PTPRG: variants seen among roughly 807,000 people sequenced by gnomAD.
The protein encoded by PTPRG is receptor-type tyrosine-protein phosphatase gamma.
A neutral mutation model predicts 165.3 loss-of-function variants in PTPRG; 102 were observed. The observed-to-expected ratio is 0.62, with a 90% confidence interval of 0.53 to 0.73. The LOEUF (loss-of-function observed/expected upper bound fraction) is 0.73. Ranked by LOEUF, PTPRG falls within the 30% of genes least tolerant of loss-of-function variation. The probability of loss-of-function intolerance (pLI) is 0.00; values close to 1 mark genes in which losing one functional copy is unlikely to be tolerated. For synonymous variants in PTPRG, 675 were observed against 669.5 expected (o/e 1.01, Z -0.13); for missense variants, 1,866 against 1,861.4 (o/e 1.00, Z -0.05).
At chr3:61,750,203 C>T (rs758659181) in intron 2 of PTPRG, 2 of 152,130 alleles carry the variant, frequency 1.3e-5, no homozygotes, top group Non-Finnish European at 2.9e-5. Flanking sequence ...GCCAAAATTA[C>T]ATATATATAG....
chr3:62,002,612 G>A (rs2041198869), intron 3 of PTPRG, among the ~76,000 whole-genome samples: 1 of 152,100 alleles, frequency 6.6e-6, no homozygotes, highest in South Asian at 2.1e-4. Flanking sequence ...TGAAATTTAG[G>A]GTTGGAATTT....
At chr3:61,633,429 A>C (rs1701820563) in intron 1 of PTPRG, among the ~76,000 whole-genome samples, 2 of 152,238 alleles carry the variant, frequency 1.3e-5, no homozygotes, top group Admixed American at 1.3e-4. Flanking sequence ...TGGATTGGAA[A>C]TTTGGAATGT....
At chr3:61,608,470 A>T (rs1009147245) in intron 1 of PTPRG, among the ~76,000 whole-genome samples, 1 of 152,070 alleles carries the variant, frequency 6.6e-6, no homozygotes, top group Non-Finnish European at 1.5e-5. Context: ...AAGCCTGGGA[A>T]TCTGTATTCT....
intron 13 of PTPRG, among the ~76,000 whole-genome samples, chr3:62,227,013 G>C (rs1264883853): frequency 6.6e-6 from 1 of 152,168 alleles, no homozygotes; most frequent in Non-Finnish European, 1.5e-5. Flanking sequence ...TAATAAATAT[G>C]AAGGGATGCA....
intron 2 of PTPRG, among the ~76,000 whole-genome samples, chr3:61,941,223 A>G (rs1006992076): frequency 5.9e-5 from 9 of 152,374 alleles, no homozygotes; most frequent in Middle Eastern, 3.4e-3. Context: ...GTCGTCCAAC[A>G]TGCTTCATCC....
chr3:62,086,945 G>A (rs187732868), intron 5 of PTPRG, among the ~76,000 whole-genome samples: 44 of 152,280 alleles, frequency 2.9e-4, no homozygotes, highest in African/African-American at 9.6e-4. Flanking sequence ...AATTATTGGC[G>A]AAGCATTACA....
intron 1 of PTPRG, among the ~76,000 whole-genome samples, chr3:61,680,372 G>A (rs1265695680): frequency 1.3e-5 from 2 of 151,882 alleles, no homozygotes; most frequent in African/African-American, 4.8e-5. Context: ...CACCAGCATC[G>A]GCCTGCATGA....
At chr3:62,191,704 T>A in intron 9 of PTPRG, 51 bp downstream of exon 9, 1 of 1,538,910 alleles carries the variant, frequency 6.5e-7, no homozygotes, top group South Asian at 1.2e-5. Context: ...GAGGGACTCC[T>A]GCTGCAGCTC....
chr3:62,200,837 T>A (rs1412844428), intron 10 of PTPRG, among the ~76,000 whole-genome samples: 1 of 152,204 alleles, frequency 6.6e-6, no homozygotes, highest in East Asian at 1.9e-4. Flanking sequence ...GTTAAATTAT[T>A]GTACAGTTCA....
intron 1 of PTPRG, among the ~76,000 whole-genome samples, chr3:61,573,951 C>T (rs911663739): frequency 5.3e-5 from 8 of 151,950 alleles, no homozygotes; most frequent in South Asian, 2.1e-4. Flanking sequence ...TTGCTGAGAA[C>T]GGGATTCCAT....
chr3:61,742,074 G>A (rs115613702), intron 1 of PTPRG, among the ~76,000 whole-genome samples: 7 of 152,280 alleles, frequency 4.6e-5, no homozygotes, highest in African/African-American at 1.7e-4. Context: ...ATTCAGAGGA[G>A]CCGGGCTCTT....
chr3:62,221,205 CT>C (rs2106893003), intron 13 of PTPRG, among the ~76,000 whole-genome samples: 1 of 152,206 alleles, frequency 6.6e-6, no homozygotes, highest in Non-Finnish European at 1.5e-5. Context: ...TTAATATTTC[CT>C]GTCTGAAATA....
At chr3:62,000,569 C>G (rs59213435) in intron 3 of PTPRG, among the ~76,000 whole-genome samples, 2,031 of 152,226 alleles carry the variant, frequency 0.013, 41 homozygotes, top group African/African-American at 0.047. Context: ...TCTTGAGAAG[C>G]CTTCTCACTT....
At chr3:61,564,236 T>C (rs1322532234) in intron 1 of PTPRG, among the ~76,000 whole-genome samples, 1 of 152,212 alleles carries the variant, frequency 6.6e-6, no homozygotes, top group Non-Finnish European at 1.5e-5. Context: ...CTGAGCGGGC[T>C]CAGGTGCACA....
In PTPRG at chr3:62,054,834, G is replaced by C. The variant is rs9855802; in HGVS notation, c.520-23329G>C. 2.4e-4 allele frequency among the ~76,000 whole-genome samples: 37 copies of C among 152,190 alleles called. No individual in the cohort carries two copies. The South Asian group carries it at 7.0e-3, about 29-fold the overall frequency. ...TGGTTTTGCATTATACAGTGCTTACGTGAGAGGCATGTATTTTGCTGAATA... is the reference window on the plus strand; with the variant it reads ...TGGTTTTGCATTATACAGTGCTTACCTGAGAGGCATGTATTTTGCTGAATA... On this transcript the variant is annotated intron_variant, in intron 4 of 29. Transcript: ENST00000474889.
intron 2 of PTPRG, among the ~76,000 whole-genome samples, chr3:61,785,560 C>T (rs1239278428): frequency 6.6e-6 from 1 of 152,106 alleles, no homozygotes; most frequent in African/African-American, 2.4e-5. Flanking sequence ...TATTTTGCAT[C>T]AGTCTTGCTC....
At position 62,218,995 on chromosome 3, in the gene PTPRG, A is replaced by C. The variant is rs911153700; in HGVS notation, c.2288+12A>C. The C allele has an allele frequency of 1.2e-6, 2 of 1,613,208 alleles. No homozygotes were observed. Among genetic ancestry groups the C allele is most frequent in the African/African-American group, 2.7e-5 (2 of 74,892 alleles). On this transcript the variant is annotated intron_variant, in intron 13 of 29. Coordinates refer to ENST00000474889, the MANE Select transcript of PTPRG (RefSeq NM_002841.4). ...CTCGTTTACTGGAGGTAAGCCAGGC[A>C]GCACCTACAGCGTAGATTTGGGGGC...
intron 6 of PTPRG, among the ~76,000 whole-genome samples, chr3:62,155,901 G>C (rs569423506): frequency 3.9e-5 from 6 of 152,268 alleles, no homozygotes; most frequent in African/African-American, 7.2e-5. Flanking sequence ...CCCGGGGCTG[G>C]TGGAAGCCAT....
At chr3:62,194,258 G>C (rs1699905830) in intron 9 of PTPRG, among the ~76,000 whole-genome samples, 1 of 152,166 alleles carries the variant, frequency 6.6e-6, no homozygotes, top group African/African-American at 2.4e-5. Flanking sequence ...TTAGCCAAGT[G>C]GCATTCTTTC....
Sources: allele counts gnomAD v4.1 joint callset (sites outside exome capture counted in the v4.1 genomes callset), GRCh38; gene constraint gnomAD v4.1.1; transcripts MANE v1.5; gene names NCBI Gene and HGNC (gene_info 2026-07-23, HGNC 2026-07-21).